ATXN7L1: variants seen among roughly 807,000 people sequenced by gnomAD.
ATXN7L1 encodes the protein ataxin-7-like protein 1.
A neutral mutation model predicts 70.8 loss-of-function variants in ATXN7L1; 15 were observed. The ratio of observed to expected loss-of-function variants is 0.21; its 90% CI spans 0.14 to 0.33. The LOEUF is 0.33. Ranked by LOEUF, ATXN7L1 falls within the 10% of genes least tolerant of loss-of-function variation. The pLI, the probability that ATXN7L1 is intolerant of heterozygous loss-of-function variation, is 1.00. For synonymous variants in ATXN7L1, 440 were observed against 445.1 expected (o/e 0.99, Z 0.14); for missense variants, 975 against 1,097.1 (o/e 0.89, Z 1.57).
chr7:105,812,027 A>G (rs1041870149), intron 2 of ATXN7L1, among the ~76,000 whole-genome samples: 3 of 152,170 alleles, frequency 2.0e-5, no homozygotes, highest in Middle Eastern at 3.2e-3. Context: ...GTCTCAGCCT[A>G]AGAGCTCCCC....
In ATXN7L1 at chr7:105,876,427, G is replaced by T. The variant is rs766021154; in HGVS notation, c.132C>A (p.Gly44=). Residue 44 remains glycine, a synonymous_variant, in exon 1 of 12, where the codon GGC becomes GGA. Coordinates refer to ENST00000419735, the MANE Select transcript of ATXN7L1 (RefSeq NM_020725.2). ...CGTCGATCCAGGAGGACCAGGGTTT[G>T]CCCAGAAACGCCTCCGGACTGGGCA... ...RKVPSPEAFL[G]KPWSSWIDAA... is the part of the protein sequence containing the mutation. 6.9e-5 allele frequency: 112 copies of T among 1,613,008 alleles called. 1 individual carries two copies. In the East Asian group the frequency reaches 2.5e-3, roughly 36 times the overall value.
intron 2 of ATXN7L1, among the ~76,000 whole-genome samples, chr7:105,865,478 T>C (rs946009968): frequency 1.3e-5 from 2 of 152,046 alleles, no homozygotes; most frequent in East Asian, 3.9e-4. Context: ...CTCAGCTCAC[T>C]GCAACCTCCG....
At chr7:105,832,774 G>A (rs574455946) in intron 2 of ATXN7L1, among the ~76,000 whole-genome samples, 85 of 152,288 alleles carry the variant, frequency 5.6e-4, no homozygotes, top group South Asian at 1.5e-3. Context: ...TCTGCCCATC[G>A]TAGTTATACC....
chr7:105,852,872 G>C (rs1259885242), intron 2 of ATXN7L1, among the ~76,000 whole-genome samples: 1 of 152,034 alleles, frequency 6.6e-6, no homozygotes, highest in Non-Finnish European at 1.5e-5. Flanking sequence ...TTTAACCTTT[G>C]AAAGGAAGGA....
At chr7:105,671,327 C>A (rs1005871774) in intron 3 of ATXN7L1, among the ~76,000 whole-genome samples, 2 of 151,764 alleles carry the variant, frequency 1.3e-5, no homozygotes, top group Non-Finnish European at 2.9e-5. Flanking sequence ...AGAATTATTT[C>A]CTTGAGGTAT....
intron 3 of ATXN7L1, among the ~76,000 whole-genome samples, chr7:105,694,118 G>C (rs1040035492): frequency 1.3e-5 from 2 of 151,450 alleles, no homozygotes; most frequent in African/African-American, 4.9e-5. Context: ...TGCCATCTTG[G>C]CTCACTGCAA....
intron 7 of ATXN7L1, among the ~76,000 whole-genome samples, chr7:105,627,651 C>T (rs1795912850): frequency 6.6e-6 from 1 of 151,636 alleles, no homozygotes. Flanking sequence ...CCTGCCTTAG[C>T]ATCCCGAGTA....
intron 3 of ATXN7L1, among the ~76,000 whole-genome samples, chr7:105,687,149 T>A (rs1480684826): frequency 6.6e-6 from 1 of 152,212 alleles, no homozygotes; most frequent in African/African-American, 2.4e-5. Flanking sequence ...GCATTTCCTT[T>A]GACTATGCAC....
chr7:105,728,011 A>T (rs1267188639), intron 3 of ATXN7L1, among the ~76,000 whole-genome samples: 1 of 151,832 alleles, frequency 6.6e-6, no homozygotes, highest in East Asian at 1.9e-4. Context: ...TATTTTTAAA[A>T]ACCCAAGAAC....
At chr7:105,640,867 G>A (rs1247291213) in intron 5 of ATXN7L1, among the ~76,000 whole-genome samples, 1 of 152,246 alleles carries the variant, frequency 6.6e-6, no homozygotes, top group Non-Finnish European at 1.5e-5. Flanking sequence ...CTGGGCATGT[G>A]GGTAGACTGG....
At chr7:105,725,903 CTTTTT>C (rs34850752) in intron 3 of ATXN7L1, among the ~76,000 whole-genome samples, 2 of 130,732 alleles carry the variant, frequency 1.5e-5, no homozygotes, top group Admixed American at 7.7e-5. Flanking sequence ...TTCTTTCTTT[CTTTTT>C]TTTTTTTTTT....
In ATXN7L1 at chr7:105,620,181, A is replaced by C. The variant is rs1443679020; in HGVS notation, c.1517+19T>G. Reference sequence around the variant, plus strand: ...TGGGGCAGCTTGGATCTTATATTGCACAAAAGCTGCTCACTTACTTCCACA... The same window carrying C: ...TGGGGCAGCTTGGATCTTATATTGCCCAAAAGCTGCTCACTTACTTCCACA... On this transcript the variant is annotated intron_variant, in intron 9 of 11. Transcript: ENST00000419735. The C allele has an allele frequency of 6.4e-7, 1 of 1,550,712 alleles. No individual in the cohort carries two copies. The highest frequency in any genetic ancestry group is 8.7e-7 in the Non-Finnish European group (1 of 1,146,368).
intron 3 of ATXN7L1, among the ~76,000 whole-genome samples, chr7:105,689,751 C>A (rs1053454450): frequency 2.0e-5 from 3 of 152,184 alleles, no homozygotes; most frequent in Admixed American, 2.0e-4. Context: ...AGCCAGTTAG[C>A]CCAGAGCAAA....
At chr7:105,785,505 G>A (rs1202624735) in intron 3 of ATXN7L1, among the ~76,000 whole-genome samples, 2 of 151,970 alleles carry the variant, frequency 1.3e-5, no homozygotes, top group Non-Finnish European at 2.9e-5. Context: ...TAACAGATAT[G>A]GAAAGCACTT....
In ATXN7L1 at chr7:105,642,958, T is replaced by G; in HGVS notation, c.742A>C (p.Lys248Gln). The G allele has an allele frequency of 1.3e-6, 2 of 1,551,782 alleles. No individual in the cohort carries two copies. The highest frequency in any genetic ancestry group is 2.4e-5 in the South Asian group (2 of 84,062). ...TTCTCTGGTGAAGGTGGCACTGACT[T>G]GGACATCAGGACAGGCTTAATTAAA... is the stretch of plus-strand genomic sequence containing the variant. ...PPLIKPVLMS[K>Q]SVPPSPEKIL... is the part of the protein sequence containing the mutation. Residue 248 changes from lysine to glutamine, a missense_variant, in exon 5 of 12, where the codon AAG (lysine) becomes CAG (glutamine). Transcript: ENST00000419735.
At chr7:105,839,317 T>A (rs1812866467) in intron 2 of ATXN7L1, among the ~76,000 whole-genome samples, 1 of 152,076 alleles carries the variant, frequency 6.6e-6, no homozygotes. Flanking sequence ...TGGTTTGGCA[T>A]CTCACCCTGG....
chr7:105,619,928 A>C (rs1175095617), intron 9 of ATXN7L1, among the ~76,000 whole-genome samples: 1 of 152,136 alleles, frequency 6.6e-6, no homozygotes, highest in Non-Finnish European at 1.5e-5. Context: ...GTAAACAGAC[A>C]ATATATTATC....
At chr7:105,715,176 A>G (rs1794389510) in intron 3 of ATXN7L1, among the ~76,000 whole-genome samples, 1 of 152,212 alleles carries the variant, frequency 6.6e-6, no homozygotes. Context: ...GCAGCTTGGT[A>G]TATCAGAAAG....
intron 2 of ATXN7L1, among the ~76,000 whole-genome samples, chr7:105,854,784 A>AG (rs146903700): frequency 0.035 from 5,343 of 152,256 alleles, 321 homozygotes; most frequent in African/African-American, 0.12. Flanking sequence ...GGCTCACAAG[A>AG]GCTGATTGTT....
Sources: gnomAD v4.1 joint callset for allele counts (sites outside exome capture counted in the v4.1 genomes callset) on GRCh38, gnomAD v4.1.1 for gene constraint, MANE v1.5 for transcripts, NCBI Gene and HGNC (gene_info 2026-07-23, HGNC 2026-07-21) for gene names.